Variants in PPARGC1A observed in about 807,000 individuals in gnomAD.
The protein encoded by PPARGC1A is peroxisome proliferator-activated receptor gamma coactivator 1-alpha.
Under a neutral mutation model 88.7 loss-of-function variants are expected in PPARGC1A, and 25 were observed. The observed-to-expected ratio is 0.28, with a 90% CI of 0.21 to 0.39. The LOEUF (loss-of-function observed/expected upper bound fraction) is 0.39. Ranked by LOEUF, PPARGC1A falls within the 10% of genes least tolerant of loss-of-function variation. The pLI is 1.00. For synonymous variants in PPARGC1A, 363 were observed against 355.6 expected, an observed-to-expected ratio of 1.02 and a Z score of -0.24; for missense variants, 880 against 968.7, an observed-to-expected ratio of 0.91 and a Z score of 1.22.
chr4:24,379,559 T>A, the PPARGC1A span, among the ~76,000 whole-genome samples: 2 of 151,886 alleles, frequency 1.3e-5, no homozygotes, highest in East Asian at 3.9e-4. Flanking sequence ...ATATTATATA[T>A]CAATATAAAA....
chr4:24,172,892 A>G, the PPARGC1A span, among the ~76,000 whole-genome samples: 2 of 152,302 alleles, frequency 1.3e-5, no homozygotes, highest in African/African-American at 2.4e-5. Context: ...CCATCTTACC[A>G]TTCTCCTTGG....
chr4:23,873,261 A>G (rs1174483322), intron 2 of PPARGC1A, among the ~76,000 whole-genome samples: 2 of 150,992 alleles, frequency 1.3e-5, no homozygotes, highest in Non-Finnish European at 3.0e-5. Flanking sequence ...CCCAAGTGAT[A>G]TGGGATGAAA....
the PPARGC1A span, among the ~76,000 whole-genome samples, chr4:24,292,292 C>A: frequency 6.6e-6 from 1 of 152,052 alleles, no homozygotes; most frequent in Non-Finnish European, 1.5e-5. Context: ...TTATGTGGAT[C>A]CTGGTCACTT....
the PPARGC1A span, among the ~76,000 whole-genome samples, chr4:24,140,978 C>A: frequency 6.6e-6 from 1 of 152,186 alleles, no homozygotes; most frequent in Non-Finnish European, 1.5e-5. Flanking sequence ...TTCTCTAAAC[C>A]GTCTCAAATA....
the PPARGC1A span, among the ~76,000 whole-genome samples, chr4:24,316,063 G>T: frequency 6.6e-6 from 1 of 152,218 alleles, no homozygotes; most frequent in Non-Finnish European, 1.5e-5. Context: ...TGACCTTTGT[G>T]GGGTGACGGT....
At chr4:24,073,169 G>A in the PPARGC1A span, among the ~76,000 whole-genome samples, 1 of 151,948 alleles carries the variant, frequency 6.6e-6, no homozygotes, top group Non-Finnish European at 1.5e-5. Flanking sequence ...AGCCTCCCAA[G>A]TAGCTGGGAC....
At chr4:23,867,611 G>A (rs1712303480) in intron 2 of PPARGC1A, among the ~76,000 whole-genome samples, 1 of 152,186 alleles carries the variant, frequency 6.6e-6, no homozygotes, top group African/African-American at 2.4e-5. Context: ...AGGTGAAGGA[G>A]ATCCTCTCTC....
chr4:24,353,781 T>A, the PPARGC1A span, among the ~76,000 whole-genome samples: 3,111 of 152,246 alleles, frequency 0.02, 102 homozygotes, highest in African/African-American at 0.071. Context: ...AGGTGGGAAT[T>A]CTTTGAAACA....
the PPARGC1A span, among the ~76,000 whole-genome samples, chr4:24,220,901 G>C: frequency 5.3e-5 from 8 of 152,038 alleles, no homozygotes; most frequent in South Asian, 4.1e-4. Context: ...ATGTCCATTT[G>C]TTTTACAATT....
At chr4:24,288,573 G>A in the PPARGC1A span, among the ~76,000 whole-genome samples, 1 of 152,172 alleles carries the variant, frequency 6.6e-6, no homozygotes, top group East Asian at 1.9e-4. Flanking sequence ...TGACATTTTT[G>A]TAAAATGTGT....
At chr4:23,998,988 T>C in the PPARGC1A span, among the ~76,000 whole-genome samples, 3 of 152,230 alleles carry the variant, frequency 2.0e-5, no homozygotes, top group Non-Finnish European at 2.9e-5. Flanking sequence ...TTGAGATCAA[T>C]CTTATGAATA....
the PPARGC1A span, among the ~76,000 whole-genome samples, chr4:24,330,645 T>G: frequency 6.6e-6 from 1 of 152,100 alleles, no homozygotes; most frequent in Non-Finnish European, 1.5e-5. Context: ...GCCACTAGAT[T>G]GTGGGGAGGA....
At chr4:23,930,155 G>C in the PPARGC1A span, among the ~76,000 whole-genome samples, 508 of 152,120 alleles carry the variant, frequency 3.3e-3, 2 homozygotes, top group Non-Finnish European at 5.3e-3. Context: ...CCCAAATCAG[G>C]TTTGAAATTC....
At chr4:24,167,978 A>T in the PPARGC1A span, among the ~76,000 whole-genome samples, 16 of 152,030 alleles carry the variant, frequency 1.1e-4, no homozygotes, top group Non-Finnish European at 1.5e-4. Context: ...GCTGGTCTTG[A>T]ACTCCTGCTC....
chr4:23,844,424 A>T (rs1221951306), intron 2 of PPARGC1A, among the ~76,000 whole-genome samples: 30 of 128,430 alleles, frequency 2.3e-4, no homozygotes, highest in African/African-American at 8.5e-4. Context: ...TATATAATAT[A>T]TTATATATAT....
the PPARGC1A span, among the ~76,000 whole-genome samples, chr4:24,108,355 G>A: frequency 6.6e-6 from 1 of 151,934 alleles, no homozygotes; most frequent in African/African-American, 2.4e-5. Context: ...TTCTTCTATT[G>A]ATTAAAAAAT....
At chr4:24,103,395 C>G in the PPARGC1A span, among the ~76,000 whole-genome samples, 1 of 151,320 alleles carries the variant, frequency 6.6e-6, no homozygotes, top group African/African-American at 2.4e-5. Context: ...TAGAGATCCA[C>G]CCAAAACGAA....
the PPARGC1A span, among the ~76,000 whole-genome samples, chr4:23,913,219 A>G: frequency 7.0e-6 from 1 of 141,978 alleles, no homozygotes; most frequent in African/African-American, 2.6e-5. Context: ...CTCAATTGGT[A>G]GATATTATAT....
the PPARGC1A span, among the ~76,000 whole-genome samples, chr4:24,361,552 T>A: frequency 6.6e-6 from 1 of 152,212 alleles, no homozygotes; most frequent in Non-Finnish European, 1.5e-5. Context: ...TATATCCTTG[T>A]CTATAGATGG....
Sources: gnomAD v4.1 joint callset for allele counts (sites outside exome capture counted in the v4.1 genomes callset) on GRCh38, gnomAD v4.1.1 for gene constraint, MANE v1.5 for transcripts, NCBI Gene and HGNC (gene_info 2026-07-23, HGNC 2026-07-21) for gene names.